The following YY1 variants were observed in gnomAD, a reference collection of about 807,000 sequenced individuals.
YY1 encodes YY1 transcription factor, also known as transcriptional repressor protein YY1.
A neutral mutation model predicts 35.6 loss-of-function variants in YY1; 2 were observed. The observed-to-expected ratio is 0.06, with a 90% CI of 0.02 to 0.18. The LOEUF is 0.18. Ranked by LOEUF, YY1 falls within the 10% of genes least tolerant of loss-of-function variation. YY1 has a pLI of 1.00. For synonymous variants in YY1, 268 were observed against 238.9 expected (o/e 1.12, Z -1.12); for missense variants, 322 against 573.4 (o/e 0.56, Z 4.48).
intron 2 of YY1, among the ~76,000 whole-genome samples, chr14:100,264,835 G>C (rs570335446): frequency 7.2e-5 from 11 of 152,296 alleles, no homozygotes; most frequent in African/African-American, 2.6e-4. Flanking sequence ...AGACCAGCTG[G>C]GCTCTGTGGC....
chr14:100,258,153 T>C (rs1237143805), intron 1 of YY1, among the ~76,000 whole-genome samples: 1 of 151,400 alleles, frequency 6.6e-6, no homozygotes, highest in East Asian at 1.9e-4. Flanking sequence ...AAGAAAGAAA[T>C]ATAAAACATG....
chr14:100,248,581 C>T (rs1890871829), intron 1 of YY1, among the ~76,000 whole-genome samples: 1 of 151,770 alleles, frequency 6.6e-6, no homozygotes. Flanking sequence ...TTGTGCGCTA[C>T]AGCCTTGAAC....
intron 1 of YY1, among the ~76,000 whole-genome samples, chr14:100,244,562 C>T (rs1890802190): frequency 6.6e-6 from 1 of 151,012 alleles, no homozygotes; most frequent in Non-Finnish European, 1.5e-5. Flanking sequence ...GGATTACCAA[C>T]CTGCCCGCCC....
chr14:100,242,263 A>G (rs1262968321), intron 1 of YY1, among the ~76,000 whole-genome samples: 2 of 151,700 alleles, frequency 1.3e-5, no homozygotes, highest in Admixed American at 6.6e-5. Context: ...CTGAAGTGGT[A>G]TGTATGGAGT....
chr14:100,253,523 T>G (rs1447576785), intron 1 of YY1, among the ~76,000 whole-genome samples: 1 of 152,204 alleles, frequency 6.6e-6, no homozygotes, highest in East Asian at 1.9e-4. Context: ...GTTCAAGCTA[T>G]TCTCCCACCT....
intron 1 of YY1, among the ~76,000 whole-genome samples, chr14:100,242,199 T>C (rs1306307347): frequency 6.6e-6 from 1 of 152,148 alleles, no homozygotes; most frequent in African/African-American, 2.4e-5. Flanking sequence ...TCTTAACAAA[T>C]TGCTGGTCCA....
intron 1 of YY1, among the ~76,000 whole-genome samples, chr14:100,252,564 C>T (rs1384757892): frequency 2.0e-5 from 3 of 152,110 alleles, no homozygotes; most frequent in Non-Finnish European, 4.4e-5. Context: ...GTCACCTAAT[C>T]GACAGTTTTG....
chr14:100,252,118 A>G (rs1890933582), intron 1 of YY1, among the ~76,000 whole-genome samples: 1 of 152,182 alleles, frequency 6.6e-6, no homozygotes, highest in African/African-American at 2.4e-5. Context: ...TGAGAAAACC[A>G]CTTTGCTTGG....
At chr14:100,244,202 G>T (rs1890794470) in intron 1 of YY1, among the ~76,000 whole-genome samples, 1 of 151,742 alleles carries the variant, frequency 6.6e-6, no homozygotes, top group Non-Finnish European at 1.5e-5. Flanking sequence ...ATTTCCCACA[G>T]TAAGAGCACT....
At chr14:100,240,032 C>A in intron 1 of YY1, 109 bp downstream of exon 1, 2 of 1,053,828 alleles carry the variant, frequency 1.9e-6, no homozygotes, top group Non-Finnish European at 1.2e-6. Flanking sequence ...GCAAGTATGG[C>A]GGCCCCAAAA....
At chr14:100,240,496 G>T (rs1212363108) in intron 1 of YY1, among the ~76,000 whole-genome samples, 2 of 149,762 alleles carry the variant, frequency 1.3e-5, no homozygotes, top group Non-Finnish European at 3.0e-5. Context: ...CTCCCCGGTG[G>T]CACCTTCCAG....
At chr14:100,239,967 T>C (rs759277115) in intron 1 of YY1, 44 bp downstream of exon 1, 2 of 1,501,006 alleles carry the variant, frequency 1.3e-6, no homozygotes, top group Middle Eastern at 1.7e-4. Flanking sequence ...GTTTTTGTTT[T>C]GAAGGGAAGC....
At position 100,281,485 on chromosome 14, in the gene YY1, A is replaced by G. The variant is rs1891430366; in HGVS notation, c.*3885A>G. ...CTTTGTCCTGGATACACTGACAGTA[A>G]TGTGAGCGCAGCACTTCAGAGTTCA... On this transcript the variant is annotated 3_prime_UTR_variant, in exon 5 of 5. Coordinates refer to ENST00000262238, the MANE Select transcript of YY1 (RefSeq NM_003403.5). 6.6e-6 allele frequency: 1 copy of G among 152,162 alleles called. No individual in the cohort carries two copies. The highest frequency in any genetic ancestry group is 1.5e-5 in the Non-Finnish European group (1 of 68,044). 9.4% of individuals were successfully genotyped at this position (152,162 alleles called of 1,614,324 possible).
At chr14:100,259,501 CAG>C (rs1383515126) in intron 1 of YY1, among the ~76,000 whole-genome samples, 2 of 150,958 alleles carry the variant, frequency 1.3e-5, no homozygotes, top group Non-Finnish European at 2.9e-5. Context: ...GCCTGGGTGA[CAG>C]AGCGAGACTC....
Position 100,277,756 on chromosome 14 carries a change from TAAAA to T in YY1, c.*165_*168del, listed in dbSNP as rs112634633. On this transcript the variant is annotated 3_prime_UTR_variant, in exon 5 of 5. Transcript: ENST00000262238. This position sits in a 1 kb window ranked among gnomAD's most constrained non-coding sequence, Gnocchi z 5.6. Reference sequence around the variant, plus strand: ...CATGTTTTGATAAAGTAGTAAAAATTAAAAAAAAAAAACTTTACTAAGATGACAT... The same window carrying T: ...CATGTTTTGATAAAGTAGTAAAAATTAAAAAAAACTTTACTAAGATGACAT... 152 of 668,684 alleles carry T rather than the reference TAAAA, an allele frequency of 2.3e-4. 1 individual carries two copies. Among genetic ancestry groups the T allele is most frequent in the Non-Finnish European group, 3.1e-4 (133 of 427,650 alleles). The allele number at this position is 668,684 out of a possible 1,614,324, so 41.4% of individuals were successfully genotyped here. A position where few individuals can be genotyped will look rare whatever the true frequency, so the allele number is the denominator to read the frequency against.
At chr14:100,252,899 G>A (rs1345253861) in intron 1 of YY1, among the ~76,000 whole-genome samples, 1 of 152,086 alleles carries the variant, frequency 6.6e-6, no homozygotes, top group Non-Finnish European at 1.5e-5. Flanking sequence ...TCAACTGGGT[G>A]TGGTGGTGTG....
At position 100,281,015 on chromosome 14, in the gene YY1, G is replaced by A. The variant is rs918516872; in HGVS notation, c.*3415G>A. 7 of 122,004 alleles carry A rather than the reference G, an allele frequency of 5.7e-5. No individual in the cohort carries two copies. The East Asian group carries it at 8.4e-4, about 15-fold the overall frequency. The allele number at this position is 122,004 out of a possible 1,614,324, so 7.6% of individuals were successfully genotyped here. A position where few individuals can be genotyped will look rare whatever the true frequency, so the allele number is the denominator to read the frequency against. ...GCGGAGCTTGCAGTGAGCCGAGATCGCACCACTGCACTCCAGCCTGGGTGA... is the reference window on the plus strand; with the variant it reads ...GCGGAGCTTGCAGTGAGCCGAGATCACACCACTGCACTCCAGCCTGGGTGA... On this transcript the variant is annotated 3_prime_UTR_variant, in exon 5 of 5. Coordinates refer to ENST00000262238, the MANE Select transcript of YY1 (RefSeq NM_003403.5).
chr14:100,242,474 C>T (rs1280533222), intron 1 of YY1, among the ~76,000 whole-genome samples: 2 of 149,660 alleles, frequency 1.3e-5, no homozygotes, highest in Non-Finnish European at 3.0e-5. Flanking sequence ...CGGCAAGCTC[C>T]GCCTCCCGAG....
intron 1 of YY1, among the ~76,000 whole-genome samples, chr14:100,252,565 G>A (rs991701447): frequency 6.6e-6 from 1 of 152,102 alleles, no homozygotes; most frequent in Non-Finnish European, 1.5e-5. Flanking sequence ...TCACCTAATC[G>A]ACAGTTTTGG....
Sources: allele counts gnomAD v4.1 joint callset (sites outside exome capture counted in the v4.1 genomes callset), GRCh38; gene constraint gnomAD v4.1.1; non-coding constraint Gnocchi (gnomAD v3.1); transcripts MANE v1.5; gene names NCBI Gene and HGNC (gene_info 2026-07-23, HGNC 2026-07-21).